BAHCC1: variants seen among roughly 807,000 people sequenced by gnomAD.
The protein encoded by BAHCC1 is BAH domain and coiled-coil containing 1.
A neutral mutation model predicts 88.2 loss-of-function variants in BAHCC1; 43 were observed. The observed-to-expected ratio is 0.49, with a 90% CI of 0.38 to 0.63. BAHCC1 has a LOEUF of 0.63. Among genes scored for constraint, BAHCC1 ranks in the 20% least tolerant of loss-of-function variants. The pLI, the probability that BAHCC1 is intolerant of heterozygous loss-of-function variation, is 0.00. For missense variants in BAHCC1, 3,023 were observed against 1,654.8 expected, an observed-to-expected ratio of 1.83 and a Z score of -14.34; for synonymous variants, 1,510 against 745.5, an observed-to-expected ratio of 2.03 and a Z score of -16.71.
chr17:81,461,748 T>C lies in BAHCC1; in HGVS notation c.7085T>C (p.Leu2362Pro). ...EDPALLLQTC[L>P]THPVPTLLAQ... ...CCGGCTCTGCTGCTGCAGACCTGCC[T>C]CACCCACCCCGTGCCCACCCTCCTG... Residue 2362 changes from leucine (L) to proline (P), a missense_variant, in exon 26 of 28, where the codon CTC becomes CCC. Leu to Pro is a moderately conservative substitution (Grantham distance 98). Coordinates refer to ENST00000675386, the MANE Select transcript of BAHCC1 (RefSeq NM_001377448.1). 1 of 718,282 alleles carries C rather than the reference T, an allele frequency of 1.4e-6. No homozygotes were observed. Among genetic ancestry groups the C allele is most frequent in the Non-Finnish European group, 2.6e-6 (1 of 385,588 alleles). The allele number at this position is 718,282 out of a possible 1,614,324, so 44.5% of individuals were successfully genotyped here.
rs782034694 is a variant in BAHCC1 at position 81,456,502 on chromosome 17, G to A, written c.4775G>A (p.Arg1592Gln). 2.5e-5 allele frequency: 18 copies of A among 717,990 alleles called. No individual in the cohort carries two copies. The highest frequency in any genetic ancestry group is 1.5e-4 in the South Asian group (10 of 67,540). The allele number at this position is 717,990 out of a possible 1,614,324, so 44.5% of individuals were successfully genotyped here. A position where few individuals can be genotyped will look rare whatever the true frequency, so the allele number is the denominator to read the frequency against. The change falls in exon 16 of 28, where the codon CGG becomes CAG. Residue 1592 changes from arginine to glutamine, a missense_variant. Physicochemically the swap from Arg to Gln is conservative, Grantham distance 43. Coordinates refer to ENST00000675386, the MANE Select transcript of BAHCC1 (RefSeq NM_001377448.1). ...AGTGCCAAGGTGTCTGGGGCCACAC[G>A]GCACCCACAGCCCAAGGGCCACGGC... ...AKSAKVSGAT[R>Q]HPQPKGHGSR...
At chr17:81,425,122 TGATA>T (rs2064163523) in intron 2 of BAHCC1, among the ~76,000 whole-genome samples, 1 of 120,716 alleles carries the variant, frequency 8.3e-6, no homozygotes, top group Non-Finnish European at 1.7e-5. Flanking sequence ...TGGTTGGGGG[TGATA>T]GTGGTGGGTG....
In BAHCC1 at chr17:81,458,979, G is replaced by A; in HGVS notation, c.5605+10G>A. On this transcript the variant is annotated intron_variant, in intron 20 of 27. Coordinates refer to ENST00000675386, the MANE Select transcript of BAHCC1 (RefSeq NM_001377448.1). ...CAGAGCGCCGCCCTAGGTGAGCAGG[G>A]CCAGGAAGGGTGCCAGCCGCCTGGG... 1 of 723,030 alleles carries A rather than the reference G, an allele frequency of 1.4e-6. No homozygotes were observed. Among genetic ancestry groups the A allele is most frequent in the Non-Finnish European group, 2.6e-6 (1 of 386,900 alleles). 44.8% of individuals were successfully genotyped at this position (723,030 alleles called of 1,614,324 possible).
In BAHCC1 at chr17:81,460,580, A is replaced by G. The variant is rs2030162061; in HGVS notation, c.6076A>G (p.Lys2026Glu). 1.3e-6 allele frequency: 1 copy of G among 769,668 alleles called. No homozygotes were observed. The highest frequency in any genetic ancestry group is 1.7e-5 in the Admixed American group (1 of 57,960). The allele number at this position is 769,668 out of a possible 1,614,324, so 47.7% of individuals were successfully genotyped here. Residue 2026 changes from lysine (K) to glutamate (E), a missense_variant, in exon 25 of 28, where the codon AAG becomes GAG. Lys to Glu is a moderately conservative substitution (Grantham distance 56). Coordinates refer to ENST00000675386, the MANE Select transcript of BAHCC1 (RefSeq NM_001377448.1). ...LLVSSSCRRT[K>E]KVSSEAPPPS... The stretch of plus-strand genomic sequence containing the variant: ...AGTGTCTAGCAGCTGCCGGAGGACC[A>G]AGAAGGTATCCAGTGAGGCACCCCC...
chr17:81,463,948 CA>C lies in BAHCC1; in HGVS notation c.*132del. ...ATCTGAGCAAATATGCAAAAGCCCACAGGGCAAGACCCAGGCTTTCTTACGG... is the reference window on the plus strand; with the variant it reads ...ATCTGAGCAAATATGCAAAAGCCCACGGGCAAGACCCAGGCTTTCTTACGG... On this transcript the variant is annotated 3_prime_UTR_variant, in exon 28 of 28. Coordinates refer to ENST00000675386, the MANE Select transcript of BAHCC1 (RefSeq NM_001377448.1). 1.6e-6 allele frequency: 1 copy of C among 628,928 alleles called. No homozygotes were observed. The highest frequency in any genetic ancestry group is 2.9e-6 in the Non-Finnish European group (1 of 350,780). 39.0% of individuals were successfully genotyped at this position (628,928 alleles called of 1,614,324 possible). A position where few individuals can be genotyped will look rare whatever the true frequency, so the allele number is the denominator to read the frequency against.
intron 2 of BAHCC1, chr17:81,406,817 G>A (rs936108075): frequency 1.3e-5 from 6 of 451,346 alleles, no homozygotes; most frequent in South Asian, 3.1e-5. Context: ...AGGTCGGCGC[G>A]GGGTTTGCAG....
chr17:81,415,011 A>G (rs2064001617), intron 2 of BAHCC1, among the ~76,000 whole-genome samples: 1 of 152,178 alleles, frequency 6.6e-6, no homozygotes. Context: ...CCTCGCCAGC[A>G]GCCGTGCACT....
Position 81,458,346 on chromosome 17 carries a change from C to G in BAHCC1, c.5223C>G (p.Ser1741Arg), listed in dbSNP as rs1017555154. 8.2e-6 allele frequency: 6 copies of G among 733,062 alleles called. No homozygotes were observed. The African/African-American group carries it at 1.0e-4, about 13-fold the overall frequency. 45.4% of individuals were successfully genotyped at this position (733,062 alleles called of 1,614,324 possible). A position where few individuals can be genotyped will look rare whatever the true frequency, so the allele number is the denominator to read the frequency against. ...SLRAEPGATPSRDALFNPSRA... is the reference protein window; with the variant it reads ...SLRAEPGATPRRDALFNPSRA... ...GGGCAGAGCCGGGGGCCACCCCCAG[C>G]AGGGACGCCCTCTTCAACCCCTCTC... The change falls in exon 18 of 28, where the codon AGC becomes AGG. Residue 1741 changes from serine (S) to arginine (R), a missense_variant. Ser to Arg is a moderately radical substitution (Grantham distance 110). Coordinates refer to ENST00000675386, the MANE Select transcript of BAHCC1 (RefSeq NM_001377448.1).
intron 25 of BAHCC1, 66 bp downstream of exon 25, chr17:81,460,772 G>T: frequency 1.3e-6 from 1 of 774,660 alleles, no homozygotes; most frequent in South Asian, 1.3e-5. Context: ...GGGGAACCAG[G>T]AGGCCCGTGG....
rs371790978 is a variant in BAHCC1 at position 81,443,534 on chromosome 17, C to A, written c.2185C>A (p.Arg729=). 2.6e-4 allele frequency: 172 copies of A among 658,870 alleles called. No individual in the cohort carries two copies. The highest frequency in any genetic ancestry group is 3.0e-4 in the Middle Eastern group (1 of 3,322). The allele number at this position is 658,870 out of a possible 1,614,324, so 40.8% of individuals were successfully genotyped here. The part of the protein sequence containing the change: ...SEAAYGTNTA[R]QGRAAPAFKG... ...GGCAGCCTACGGCACCAACACTGCG[C>A]GGCAGGGCCGGGCCGCCCCCGCCTT... is the stretch of plus-strand genomic sequence containing the variant. Residue 729 remains arginine (R), a synonymous_variant, in exon 5 of 28, where the codon CGG becomes AGG. Transcript: ENST00000675386.
Position 81,402,602 on chromosome 17 carries a change from A to G in BAHCC1, c.178+2685A>G, listed in dbSNP as rs1567992367. ...TCTGCTGACTGCCCCTTGGAAAGGA[A>G]AATTGACCCGGATTCTTCCCGCCTG... On this transcript the variant is annotated intron_variant, in intron 2 of 27. Coordinates refer to ENST00000675386, the MANE Select transcript of BAHCC1 (RefSeq NM_001377448.1). 2.6e-5 allele frequency: 4 copies of G among 152,312 alleles called. No homozygotes were observed. The South Asian group carries it at 8.3e-4, about 32-fold the overall frequency. 9.4% of individuals were successfully genotyped at this position (152,312 alleles called of 1,614,324 possible).
rs1324080421 is a variant in BAHCC1 at position 81,464,963 on chromosome 17, T to C, written c.*1146T>C. ...GCCAGGTTCCTGAACTGGGCAGGGC[T>C]CGGGGCCTATGAGGGCAGGTTCACA... On this transcript the variant is annotated 3_prime_UTR_variant, in exon 28 of 28. Transcript: ENST00000675386. 3 of 152,202 alleles carry C rather than the reference T, an allele frequency of 2.0e-5. No homozygotes were observed. The highest frequency in any genetic ancestry group is 4.4e-5 in the Non-Finnish European group (3 of 68,068). 9.4% of individuals were successfully genotyped at this position (152,202 alleles called of 1,614,324 possible). A position where few individuals can be genotyped will look rare whatever the true frequency, so the allele number is the denominator to read the frequency against.
At chr17:81,430,308 G>T (rs935175386) in intron 3 of BAHCC1, among the ~76,000 whole-genome samples, 5 of 152,190 alleles carry the variant, frequency 3.3e-5, no homozygotes, top group African/African-American at 9.7e-5. Context: ...AGGGGTGGGG[G>T]CAGGGGCTGC....
rs1555654695 is a variant in BAHCC1 at position 81,447,216 on chromosome 17, A to G, written c.3344A>G (p.Glu1115Gly). 1.3e-6 allele frequency: 1 copy of G among 751,036 alleles called. No homozygotes were observed. The highest frequency in any genetic ancestry group is 2.5e-6 in the Non-Finnish European group (1 of 405,250). 46.5% of individuals were successfully genotyped at this position (751,036 alleles called of 1,614,324 possible). A position where few individuals can be genotyped will look rare whatever the true frequency, so the allele number is the denominator to read the frequency against. Residue 1115 changes from glutamate (E) to glycine (G), a missense_variant, in exon 11 of 28, where the codon GAG becomes GGG. Physicochemically the swap from Glu to Gly is moderately conservative, Grantham distance 98. Coordinates refer to ENST00000675386, the MANE Select transcript of BAHCC1 (RefSeq NM_001377448.1). ...EPPPCSPRSL[E>G]EPGLLSGARE... ...CCTCCCTGCAGCCCCAGGAGCCTGG[A>G]GGAGCCCGGGCTGCTCTCAGGGGCC...
At chr17:81,438,601 C>A (rs1436307006) in intron 4 of BAHCC1, 109 bp downstream of exon 4, 4 of 678,830 alleles carry the variant, frequency 5.9e-6, no homozygotes, top group Non-Finnish European at 1.1e-5. Context: ...AGCCCTCCCA[C>A]CAGGTGTCAT....
rs782776938 is a variant in BAHCC1, at chr17:81,442,811, C to T, written c.1462C>T (p.Leu488=). The T allele has an allele frequency of 3.3e-5, 26 of 779,592 alleles. No individual in the cohort carries two copies. The highest frequency in any genetic ancestry group is 5.3e-5 in the Non-Finnish European group (22 of 417,926). 48.3% of individuals were successfully genotyped at this position (779,592 alleles called of 1,614,324 possible). The change falls in exon 5 of 28, where the codon CTG becomes TTG. Residue 488 remains leucine (L), a synonymous_variant. Transcript: ENST00000675386. The stretch of plus-strand genomic sequence containing the variant: ...CTTCCCCGGACTCCCTAAAAGCGGT[C>T]TGGACAAAAGCGGCTACTTCGAGTT... ...ASFPGLPKSG[L]DKSGYFELPT...
Position 81,399,175 on chromosome 17 carries a change from C to A in BAHCC1, c.-206-359C>A. 2.4e-6 allele frequency: 1 copy of A among 412,644 alleles called. No homozygotes were observed. Among genetic ancestry groups the A allele is most frequent in the Non-Finnish European group, 4.9e-6 (1 of 205,338 alleles). 25.6% of individuals were successfully genotyped at this position (412,644 alleles called of 1,614,324 possible). ...TGTGCGAGTGTGCGTGATGGCTTCG[C>A]AGATTTGGGTTTTTATCACCCAGCA... is the stretch of plus-strand genomic sequence containing the variant. On this transcript the variant is annotated intron_variant, in intron 1 of 27. Transcript: ENST00000675386. The surrounding 1 kb of genome is among the most constrained non-coding windows in gnomAD (Gnocchi z 4.5).
At chr17:81,436,674 G>T (rs2064341687) in intron 3 of BAHCC1, among the ~76,000 whole-genome samples, 1 of 151,232 alleles carries the variant, frequency 6.6e-6, no homozygotes, top group Non-Finnish European at 1.5e-5. Context: ...GTAAACAGCT[G>T]CTCCAGATGC....
intron 10 of BAHCC1, among the ~76,000 whole-genome samples, chr17:81,446,527 T>A (rs1477881353): frequency 4.4e-5 from 1 of 22,916 alleles, no homozygotes; most frequent in Admixed American, 5.5e-4. Context: ...TGCTCACACC[T>A]TTTTTTTTTT....
Sources: gnomAD v4.1 joint callset for allele counts (sites outside exome capture counted in the v4.1 genomes callset) on GRCh38, gnomAD v4.1.1 for gene constraint, Gnocchi (gnomAD v3.1) non-coding constraint, MANE v1.5 for transcripts, NCBI Gene and HGNC (gene_info 2026-07-23, HGNC 2026-07-21) for gene names.